Variants in DPP10 observed in about 807,000 individuals in gnomAD.
The protein encoded by DPP10 is dipeptidyl peptidase like 10.
Under a neutral mutation model 120.9 loss-of-function variants are expected in DPP10, and 33 were observed. The observed-to-expected ratio is 0.27, with a 90% CI of 0.21 to 0.37. DPP10 has a LOEUF of 0.37. Among genes scored for constraint, DPP10 ranks in the 10% least tolerant of loss-of-function variants. The pLI is 1.00. For missense variants in DPP10, 816 were observed against 942.8 expected (o/e 0.87, Z 1.76); for synonymous variants, 337 against 326.1 (o/e 1.03, Z -0.36).
intron 1 of DPP10, among the ~76,000 whole-genome samples, chr2:114,728,412 C>T (rs565906327): frequency 6.6e-6 from 1 of 152,268 alleles, no homozygotes; most frequent in South Asian, 2.1e-4. Flanking sequence ...GGGAAACTGA[C>T]ATTATTCTGA....
At chr2:115,085,437 T>C (rs1708611633) in intron 1 of DPP10, among the ~76,000 whole-genome samples, 1 of 152,194 alleles carries the variant, frequency 6.6e-6, no homozygotes. Flanking sequence ...CCCATTCCTA[T>C]AATAAAAGTG....
intron 1 of DPP10, among the ~76,000 whole-genome samples, chr2:114,797,383 G>A (rs1418144216): frequency 5.9e-5 from 9 of 152,224 alleles, no homozygotes; most frequent in Non-Finnish European, 1.2e-4. Context: ...GAGTTCTACC[G>A]TTTACTCCCT....
intron 1 of DPP10, among the ~76,000 whole-genome samples, chr2:114,948,115 C>G (rs557330093): frequency 6.6e-6 from 1 of 151,864 alleles, no homozygotes; most frequent in East Asian, 1.9e-4. Flanking sequence ...CCTTATGTTT[C>G]TTCTATTCTT....
intron 1 of DPP10, among the ~76,000 whole-genome samples, chr2:114,685,517 T>C (rs17043351): frequency 0.053 from 8,095 of 152,076 alleles, 241 homozygotes; most frequent in South Asian, 0.096. Flanking sequence ...TTTCCGGAAC[T>C]CCAGAATTAG....
intron 5 of DPP10, among the ~76,000 whole-genome samples, chr2:115,532,783 G>C (rs1025540850): frequency 1.3e-5 from 2 of 151,634 alleles, no homozygotes; most frequent in African/African-American, 2.4e-5. Flanking sequence ...GTTAATATTT[G>C]TCATCTAGTA....
At chr2:115,823,078 T>C (rs1310194651) in intron 21 of DPP10, among the ~76,000 whole-genome samples, 1 of 152,086 alleles carries the variant, frequency 6.6e-6, no homozygotes, top group Admixed American at 6.6e-5. Context: ...ATCTTTTATT[T>C]TTGAGTATTG....
intron 1 of DPP10, among the ~76,000 whole-genome samples, chr2:114,860,671 A>G (rs1689740727): frequency 6.6e-6 from 1 of 152,232 alleles, no homozygotes; most frequent in Admixed American, 6.5e-5. Flanking sequence ...TCGCCTGCAT[A>G]ATGAGACAGA....
At chr2:114,480,639 T>C (rs1680944336) in intron 1 of DPP10, among the ~76,000 whole-genome samples, 1 of 135,572 alleles carries the variant, frequency 7.4e-6, no homozygotes, top group Non-Finnish European at 1.5e-5. Flanking sequence ...TTCTCACTCA[T>C]AGGTGGGAAT....
At chr2:114,724,564 A>G (rs571084030) in intron 1 of DPP10, among the ~76,000 whole-genome samples, 1 of 152,330 alleles carries the variant, frequency 6.6e-6, no homozygotes, top group South Asian at 2.1e-4. Context: ...GAGGAGAGTC[A>G]AGCACATGCA....
intron 8 of DPP10, among the ~76,000 whole-genome samples, chr2:115,735,545 G>C (rs1189789110): frequency 6.6e-6 from 1 of 151,164 alleles, no homozygotes; most frequent in Non-Finnish European, 1.5e-5. Flanking sequence ...TTCTTTGACA[G>C]AGTCTTGCTC....
In DPP10 at chr2:115,347,673, C is replaced by T. The variant is rs2063777375; in HGVS notation, c.271+3761C>T. On this transcript the variant is annotated intron_variant, in intron 3 of 25. Coordinates refer to ENST00000410059, the MANE Select transcript of DPP10 (RefSeq NM_020868.6). Reference sequence around the variant, plus strand: ...ACAGGCCCTGGTGTGTGATATTCCCCTCCCTGTGTCTATGTGTTCTCATTG... The same window carrying T: ...ACAGGCCCTGGTGTGTGATATTCCCTTCCCTGTGTCTATGTGTTCTCATTG... Among the ~76,000 whole-genome samples, 4 of 152,034 alleles carry T rather than the reference C, an allele frequency of 2.6e-5. No individual in the cohort carries two copies. The South Asian group carries it at 8.3e-4, about 31-fold the overall frequency.
chr2:115,167,604 CAAAAAAA>C (rs59031977), intron 1 of DPP10, among the ~76,000 whole-genome samples: 1 of 48,550 alleles, frequency 2.1e-5, no homozygotes, highest in Non-Finnish European at 4.9e-5. Flanking sequence ...GAGACCGTCT[CAAAAAAA>C]AAAAAAAAAA....
At chr2:115,405,700 G>T (rs1428502659) in intron 3 of DPP10, among the ~76,000 whole-genome samples, 1 of 152,186 alleles carries the variant, frequency 6.6e-6, no homozygotes, top group Non-Finnish European at 1.5e-5. Flanking sequence ...GCACCATATG[G>T]ATGTGGATAT....
chr2:115,083,599 T>C (rs1024001030), intron 1 of DPP10, among the ~76,000 whole-genome samples: 1 of 152,232 alleles, frequency 6.6e-6, no homozygotes, highest in African/African-American at 2.4e-5. Flanking sequence ...TGATCGTTTC[T>C]TGACTAGTAT....
intron 1 of DPP10, among the ~76,000 whole-genome samples, chr2:115,114,474 GA>G (rs1573664237): frequency 6.6e-6 from 1 of 152,076 alleles, no homozygotes; most frequent in Admixed American, 6.6e-5. Flanking sequence ...TATTAATGAA[GA>G]AAAAATTCTC....
At chr2:115,796,687 T>A (rs941265756) in intron 19 of DPP10, among the ~76,000 whole-genome samples, 2 of 152,094 alleles carry the variant, frequency 1.3e-5, no homozygotes, top group African/African-American at 4.8e-5. Context: ...TTTTTACAAT[T>A]TTTTTACTTA....
At chr2:115,005,570 G>A (rs1701761147) in intron 1 of DPP10, among the ~76,000 whole-genome samples, 2 of 152,164 alleles carry the variant, frequency 1.3e-5, no homozygotes, top group Admixed American at 1.3e-4. Context: ...CGTGAAGAAT[G>A]CAGAAGCCTC....
intron 1 of DPP10, among the ~76,000 whole-genome samples, chr2:114,576,822 C>T (rs960301469): frequency 1.3e-5 from 2 of 152,070 alleles, no homozygotes; most frequent in Non-Finnish European, 2.9e-5. Flanking sequence ...ATTACTGCCT[C>T]TGGGTCATCC....
chr2:114,986,109 G>A (rs1380333339), intron 1 of DPP10, among the ~76,000 whole-genome samples: 1 of 152,136 alleles, frequency 6.6e-6, no homozygotes, highest in African/African-American at 2.4e-5. Flanking sequence ...AACCACAAAA[G>A]CAAAGGAAAT....
Sources: allele counts gnomAD v4.1 joint callset (sites outside exome capture counted in the v4.1 genomes callset), GRCh38; gene constraint gnomAD v4.1.1; transcripts MANE v1.5; gene names NCBI Gene and HGNC (gene_info 2026-07-23, HGNC 2026-07-21).